MED13L: variants seen among roughly 807,000 people sequenced by gnomAD.
MED13L encodes the protein mediator of RNA polymerase II transcription subunit 13-like.
MED13L carries 7 observed loss-of-function variants against 220.9 expected under a neutral mutation model. That is an observed-to-expected ratio of 0.03 (90% CI 0.02 to 0.06). The LOEUF (loss-of-function observed/expected upper bound fraction) is 0.06. Among genes scored for constraint, MED13L ranks in the 10% least tolerant of loss-of-function variants. The pLI, the probability that MED13L is intolerant of heterozygous loss-of-function variation, is 1.00. For synonymous variants in MED13L, 1,011 were observed against 1,015.2 expected (o/e 1.00, Z 0.08); for missense variants, 1,965 against 2,760.5 (o/e 0.71, Z 6.46).
intron 2 of MED13L, among the ~76,000 whole-genome samples, chr12:116,143,110 G>A (rs1029535514): frequency 2.6e-5 from 4 of 152,142 alleles, no homozygotes; most frequent in African/African-American, 9.7e-5. Context: ...AACCACTGAT[G>A]ATGAAATGCC....
intron 22 of MED13L, chr12:115,981,783 A>C (rs1877347080): frequency 6.6e-6 from 1 of 152,646 alleles, no homozygotes; most frequent in Admixed American, 6.5e-5. Context: ...TGTGTTAATG[A>C]ATAACATTAG....
At chr12:116,078,141 C>CA (rs924705816) in intron 4 of MED13L, among the ~76,000 whole-genome samples, 5,601 of 57,854 alleles carry the variant, frequency 0.097, 184 homozygotes, top group African/African-American at 0.12. Context: ...GACTCTGTCT[C>CA]AAAAAAAAAA....
chr12:116,276,894 G>A (rs1002069541), intron 1 of MED13L, 166 bp downstream of exon 1: 4 of 977,390 alleles, frequency 4.1e-6, no homozygotes, highest in Middle Eastern at 3.3e-4. Context: ...TCCAAGGCGA[G>A]AGAGAGACGA....
intron 2 of MED13L, chr12:116,168,937 C>T (rs1427991891): frequency 6.6e-6 from 1 of 152,154 alleles, no homozygotes; most frequent in African/African-American, 2.4e-5. Flanking sequence ...GCCCATTACA[C>T]AGCAACATAA....
intron 4 of MED13L, among the ~76,000 whole-genome samples, chr12:116,053,662 T>A (rs1868698067): frequency 6.6e-6 from 1 of 152,188 alleles, no homozygotes; most frequent in African/African-American, 2.4e-5. Context: ...TAAAGTCACT[T>A]GCCTAAGGTC....
intron 2 of MED13L, among the ~76,000 whole-genome samples, chr12:116,133,400 A>C (rs77455105): frequency 6.6e-6 from 1 of 152,180 alleles, no homozygotes; most frequent in African/African-American, 2.4e-5. Flanking sequence ...ATCTGGAAAC[A>C]GCCTGTGCCT....
chr12:116,164,345 A>T (rs1371800533), intron 2 of MED13L, among the ~76,000 whole-genome samples: 1 of 152,204 alleles, frequency 6.6e-6, no homozygotes. Flanking sequence ...CAACAATTCA[A>T]CTTCCTCAAC....
chr12:116,222,004 T>A (rs1377378883), intron 2 of MED13L, among the ~76,000 whole-genome samples: 6 of 152,186 alleles, frequency 3.9e-5, no homozygotes. Flanking sequence ...TAAGACTATA[T>A]TGACAATGCT....
At chr12:116,216,458 A>G (rs981748745) in intron 2 of MED13L, among the ~76,000 whole-genome samples, 4 of 152,148 alleles carry the variant, frequency 2.6e-5, no homozygotes, top group Non-Finnish European at 5.9e-5. Flanking sequence ...CTTGTTTCTT[A>G]TAGTCATCAC....
intron 2 of MED13L, among the ~76,000 whole-genome samples, chr12:116,130,071 A>G (rs1168754983): frequency 2.0e-5 from 3 of 152,232 alleles, no homozygotes; most frequent in East Asian, 3.8e-4. Context: ...CCTTGATATC[A>G]TAAACATTCA....
chr12:116,140,236 C>T (rs889697950), intron 2 of MED13L, among the ~76,000 whole-genome samples: 5 of 152,030 alleles, frequency 3.3e-5, no homozygotes, highest in East Asian at 1.9e-4. Flanking sequence ...AATATTTATG[C>T]GTGATTATTG....
intron 2 of MED13L, among the ~76,000 whole-genome samples, chr12:116,139,970 CA>C (rs36124478): frequency 0.02 from 1,306 of 63,872 alleles, 11 homozygotes; most frequent in African/African-American, 0.064. Context: ...AACTCCATCT[CA>C]AAAAAAAAAA....
At chr12:116,110,015 T>C (rs1873941042) in intron 3 of MED13L, 1 of 152,180 alleles carries the variant, frequency 6.6e-6, no homozygotes, top group Non-Finnish European at 1.5e-5. Flanking sequence ...GATAAGAAAC[T>C]GGTAAGTCCT....
intron 2 of MED13L, among the ~76,000 whole-genome samples, chr12:116,186,238 A>AT (rs1416839630): frequency 6.6e-6 from 1 of 152,210 alleles, no homozygotes; most frequent in Non-Finnish European, 1.5e-5. Flanking sequence ...TTAGTTGTGT[A>AT]TCTTCATGTT....
Position 115,984,277 on chromosome 12 carries a change from C to G in MED13L, c.4434G>C (p.Glu1478Asp). Reference sequence around the variant, plus strand: ...GCTGGTTAAACCACTCACTCACAAGCTCATCTGTCAGCTTCTGTGCCACAG... The same window carrying G: ...GCTGGTTAAACCACTCACTCACAAGGTCATCTGTCAGCTTCTGTGCCACAG... ...GKTVAQKLTD[E>D]LVSEWFNQPW... The change falls in exon 20 of 31, where the codon GAG becomes GAC. Residue 1478 changes from glutamate to aspartate, a missense_variant. Physicochemically the swap from Glu to Asp is conservative, Grantham distance 45 (BLOSUM62 2). Around this residue, in one of 10 missense-constraint regions of MED13L, gnomAD observed 510 missense variants for 620.4 expected, o/e 0.82. Transcript: ENST00000281928. 6.2e-7 allele frequency: 1 copy of G among 1,614,106 alleles called. No individual in the cohort carries two copies. The highest frequency in any genetic ancestry group is 8.5e-7 in the Non-Finnish European group (1 of 1,180,004).
chr12:116,103,742 G>A (rs1167473972), intron 3 of MED13L, among the ~76,000 whole-genome samples: 4 of 152,136 alleles, frequency 2.6e-5, no homozygotes, highest in African/African-American at 9.7e-5. Context: ...TACGATATCT[G>A]TACTGTCTCT....
intron 2 of MED13L, among the ~76,000 whole-genome samples, chr12:116,153,994 C>A (rs977361557): frequency 6.6e-6 from 1 of 152,104 alleles, no homozygotes; most frequent in Non-Finnish European, 1.5e-5. Flanking sequence ...ATAACAACAA[C>A]AAAAATCACA....
chr12:116,272,492 C>T (rs1380105964), intron 1 of MED13L, among the ~76,000 whole-genome samples: 1 of 151,412 alleles, frequency 6.6e-6, no homozygotes, highest in Non-Finnish European at 1.5e-5. Flanking sequence ...AACCCGGGAG[C>T]TGAATGTTGC....
chr12:116,022,424 TA>T lies in MED13L; in HGVS notation c.625+31del, dbSNP rs760968868. On this transcript the variant is annotated intron_variant, in intron 5 of 30. Coordinates refer to ENST00000281928, the MANE Select transcript of MED13L (RefSeq NM_015335.5). ...AGATGGTTATCCACTCGGTGGCGGA[TA>T]GGGGTGGAGAGCAGGAACACCCATA... The T allele has an allele frequency of 5.0e-6, 8 of 1,612,674 alleles. No individual in the cohort carries two copies. The East Asian group carries it at 1.1e-4, about 22-fold the overall frequency.
Sources: allele counts gnomAD v4.1 joint callset (sites outside exome capture counted in the v4.1 genomes callset), GRCh38; gene constraint gnomAD v4.1.1; regional missense constraint gnomAD v4.1.1; transcripts MANE v1.5; gene names NCBI Gene and HGNC (gene_info 2026-07-23, HGNC 2026-07-21).